ZC3H12D: variants seen among roughly 807,000 people sequenced by gnomAD.
ZC3H12D encodes the protein zinc finger CCCH-type containing 12D.
A neutral mutation model predicts 24.2 loss-of-function variants in ZC3H12D; 11 were observed. That is an observed-to-expected ratio of 0.46 (90% CI 0.29 to 0.75). The LOEUF is 0.75. Ranked by LOEUF, ZC3H12D falls within the 30% of genes least tolerant of loss-of-function variation. ZC3H12D has a pLI of 0.11. For synonymous variants in ZC3H12D, 333 were observed against 341.8 expected (o/e 0.97, Z 0.28); for missense variants, 740 against 767.7 (o/e 0.96, Z 0.43).
At position 149,480,677 on chromosome 6, in the gene ZC3H12D, G is replaced by T. The variant is rs62441732; in HGVS notation, c.-71+4136C>A. Among the ~76,000 whole-genome samples, 6 of 152,218 alleles carry T rather than the reference G, an allele frequency of 3.9e-5. No individual in the cohort carries two copies. In the South Asian group the frequency reaches 1.2e-3, roughly 32 times the overall value. The stretch of plus-strand genomic sequence containing the variant: ...CTTGAAACCAGGAGGCGGAGGTTGC[G>T]GTGAGCCAAGATCGCGCCATTGCAC... On this transcript the variant is annotated intron_variant, in intron 1 of 5. Transcript: ENST00000409806.
intron 1 of ZC3H12D, among the ~76,000 whole-genome samples, chr6:149,481,183 C>T (rs1206791887): frequency 6.6e-6 from 1 of 151,758 alleles, no homozygotes; most frequent in African/African-American, 2.4e-5. Context: ...CTTCCCACCC[C>T]GACAGCCCCA....
In ZC3H12D at chr6:149,450,629, C is replaced by T. The variant is rs1474025238; in HGVS notation, c.*54G>A. 14 of 1,442,582 alleles carry T rather than the reference C, an allele frequency of 9.7e-6. No individual in the cohort carries two copies. Among genetic ancestry groups the T allele is most frequent in the East Asian group, 5.2e-5 (2 of 38,652 alleles). The allele number at this position is 1,442,582 out of a possible 1,614,324, so 89.4% of individuals were successfully genotyped here. A position where few individuals can be genotyped will look rare whatever the true frequency, so the allele number is the denominator to read the frequency against. ...CCAGGCTGGCAACCACAGGTCCACCCGTCCAAGACGCAAGGCGAGGCTGGG... is the reference window on the plus strand; with the variant it reads ...CCAGGCTGGCAACCACAGGTCCACCTGTCCAAGACGCAAGGCGAGGCTGGG... On this transcript the variant is annotated 3_prime_UTR_variant, in exon 6 of 6. Transcript: ENST00000409806.
At position 149,474,630 on chromosome 6, in the gene ZC3H12D, T is replaced by A. The variant is rs1161654407; in HGVS notation, c.-70-17A>T. 1 of 1,258,498 alleles carries A rather than the reference T, an allele frequency of 7.9e-7. No individual in the cohort carries two copies. The highest frequency in any genetic ancestry group is 1.0e-6 in the Non-Finnish European group (1 of 962,604). 78.0% of individuals were successfully genotyped at this position (1,258,498 alleles called of 1,614,324 possible). A position where few individuals can be genotyped will look rare whatever the true frequency, so the allele number is the denominator to read the frequency against. ...AGACATGAGCTAAAGAGAAAAAAAA[T>A]GCATCCATCAGGTGTTTCCTGGGCA... On this transcript the variant is annotated splice_polypyrimidine_tract_variant and intron_variant, in intron 1 of 5. Transcript: ENST00000409806.
At chr6:149,474,027 T>C (rs1210080065) in intron 2 of ZC3H12D, among the ~76,000 whole-genome samples, 1 of 152,218 alleles carries the variant, frequency 6.6e-6, no homozygotes, top group Non-Finnish European at 1.5e-5. Context: ...ACAGAGATTT[T>C]ATCCCAACCG....
At chr6:149,453,795 A>T (rs893121515) in intron 4 of ZC3H12D, among the ~76,000 whole-genome samples, 1 of 152,100 alleles carries the variant, frequency 6.6e-6, no homozygotes, top group African/African-American at 2.4e-5. Context: ...AGTTCCAGCT[A>T]CTAGAAAAGC....
At chr6:149,469,550 A>C (rs912794368) in intron 2 of ZC3H12D, among the ~76,000 whole-genome samples, 1 of 152,152 alleles carries the variant, frequency 6.6e-6, no homozygotes, top group Non-Finnish European at 1.5e-5. Flanking sequence ...CTTTCAATGA[A>C]AGCTGCCTTC....
At chr6:149,480,444 C>T (rs1163491633) in intron 1 of ZC3H12D, among the ~76,000 whole-genome samples, 2 of 152,206 alleles carry the variant, frequency 1.3e-5, no homozygotes, top group Admixed American at 6.5e-5. Flanking sequence ...ACACGGAGTA[C>T]ATGTGGACAC....
intron 1 of ZC3H12D, 70 bp from the exon 2 acceptor site, chr6:149,474,683 C>T (rs776866287): frequency 2.5e-5 from 18 of 720,712 alleles, no homozygotes; most frequent in Admixed American, 3.7e-5. Flanking sequence ...GGTGTGCCTG[C>T]GCTGGCTCCC....
intron 2 of ZC3H12D, among the ~76,000 whole-genome samples, chr6:149,470,435 T>A (rs996220853): frequency 1.3e-5 from 2 of 151,896 alleles, no homozygotes; most frequent in African/African-American, 4.8e-5. Context: ...CTCAGGAGAC[T>A]GAGGCAGGAG....
rs1775778516 is a variant in ZC3H12D at position 149,446,805 on chromosome 6, G to C, written c.*3878C>G. On this transcript the variant is annotated 3_prime_UTR_variant, in exon 6 of 6. Coordinates refer to ENST00000409806, the MANE Select transcript of ZC3H12D (RefSeq NM_207360.3). ...CAGCTGAGCTCAATGTCAAACCAAA[G>C]CTGGATCCATTTTATTTGGAAGAAT... The C allele has an allele frequency of 6.6e-6, 1 of 152,180 alleles. No individual in the cohort carries two copies. Among genetic ancestry groups the C allele is most frequent in the African/African-American group, 2.4e-5 (1 of 41,430 alleles). The allele number at this position is 152,180 out of a possible 1,614,324, so 9.4% of individuals were successfully genotyped here. A position where few individuals can be genotyped will look rare whatever the true frequency, so the allele number is the denominator to read the frequency against.
chr6:149,448,931 C>G lies in ZC3H12D; in HGVS notation c.*1752G>C, dbSNP rs62621196. 6.6e-6 allele frequency: 1 copy of G among 152,236 alleles called. No individual in the cohort carries two copies. Among genetic ancestry groups the G allele is most frequent in the Non-Finnish European group, 1.5e-5 (1 of 68,090 alleles). 9.4% of individuals were successfully genotyped at this position (152,236 alleles called of 1,614,324 possible). On this transcript the variant is annotated 3_prime_UTR_variant, in exon 6 of 6. Transcript: ENST00000409806. ...TGCAGGAAGTTTGTGGGGCTGGGGG[C>G]TGGTCTTCTCTGGTCTTCCCCTGGG...
chr6:149,458,105 C>CTTTT (rs1387711267), intron 3 of ZC3H12D, among the ~76,000 whole-genome samples: 1 of 33,060 alleles, frequency 3.0e-5, no homozygotes, highest in Non-Finnish European at 5.9e-5. Context: ...TTCTTTCTTT[C>CTTTT]TTTTTCTTTT....
At chr6:149,463,138 A>G (rs1327825475) in intron 2 of ZC3H12D, among the ~76,000 whole-genome samples, 2 of 152,216 alleles carry the variant, frequency 1.3e-5, no homozygotes, top group South Asian at 2.1e-4. Flanking sequence ...AATGATCAAC[A>G]TAAGACAGAT....
Position 149,461,854 on chromosome 6 carries a change from G to C in ZC3H12D, c.422C>G (p.Pro141Arg). ...ACCTCTGATAGGGGTGTCAGCTCTT[G>C]GTGGGTCCTTCCTCCAGGATGGAAC... ...VFVPSWRKDP[P>R]RADTPIREQH... is the part of the protein sequence containing the mutation. Residue 141 changes from proline to arginine, a missense_variant, in exon 3 of 6, where the codon CCA becomes CGA. Transcript: ENST00000409806. 6.4e-7 allele frequency: 1 copy of C among 1,568,990 alleles called. No individual in the cohort carries two copies. Among genetic ancestry groups the C allele is most frequent in the South Asian group, 1.2e-5 (1 of 85,120 alleles).
intron 4 of ZC3H12D, among the ~76,000 whole-genome samples, chr6:149,454,090 ACCT>A (rs1453115525): frequency 3.9e-5 from 6 of 151,914 alleles, no homozygotes; most frequent in African/African-American, 1.2e-4. Flanking sequence ...CGCAGACTTA[ACCT>A]CCTCCTCTGC....
At chr6:149,459,534 C>T in intron 3 of ZC3H12D, 1 of 714,634 alleles carries the variant, frequency 1.4e-6, no homozygotes, top group Non-Finnish European at 2.6e-6. Flanking sequence ...AGGTGGGAGC[C>T]ATTGCCCTGC....
At chr6:149,473,825 C>T (rs761064385) in intron 2 of ZC3H12D, among the ~76,000 whole-genome samples, 91 of 152,204 alleles carry the variant, frequency 6.0e-4, no homozygotes, top group Admixed American at 3.1e-3. Context: ...TCCAGAGTCT[C>T]GCAGCCGGTT....
At chr6:149,470,696 C>T (rs1448253339) in intron 2 of ZC3H12D, among the ~76,000 whole-genome samples, 1 of 152,174 alleles carries the variant, frequency 6.6e-6, no homozygotes, top group East Asian at 1.9e-4. Flanking sequence ...CCTAAGGTCA[C>T]ACAGCTGGAT....
chr6:149,478,820 C>A (rs890721745), intron 1 of ZC3H12D, among the ~76,000 whole-genome samples: 1 of 152,094 alleles, frequency 6.6e-6, no homozygotes, highest in Admixed American at 6.6e-5. Flanking sequence ...TCACCCCATA[C>A]CTGATGACTG....
Sources: allele counts gnomAD v4.1 joint callset (sites outside exome capture counted in the v4.1 genomes callset), GRCh38; gene constraint gnomAD v4.1.1; transcripts MANE v1.5; gene names NCBI Gene and HGNC (gene_info 2026-07-23, HGNC 2026-07-21).